The following GPC5 variants were observed in gnomAD, a reference collection of about 807,000 sequenced individuals.
The protein encoded by GPC5 is glypican-5.
Under a neutral mutation model 53.9 loss-of-function variants are expected in GPC5, and 47 were observed. The observed-to-expected ratio is 0.87, with a 90% CI of 0.69 to 1.11. GPC5 has a LOEUF of 1.11. GPC5 is among the 50% of genes most tolerant of loss of function. The pLI, the probability that GPC5 is intolerant of heterozygous loss-of-function variation, is 0.00. For synonymous variants in GPC5, 286 were observed against 263.3 expected, an observed-to-expected ratio of 1.09 and a Z score of -0.84; for missense variants, 748 against 713.1, an observed-to-expected ratio of 1.05 and a Z score of -0.56.
chr13:91,957,907 A>T (rs2040089091), intron 6 of GPC5, among the ~76,000 whole-genome samples: 1 of 152,116 alleles, frequency 6.6e-6, no homozygotes, highest in African/African-American at 2.4e-5. Flanking sequence ...AAACTCAAAA[A>T]TTACCACTAC....
At chr13:92,049,962 A>G (rs191016394) in intron 6 of GPC5, among the ~76,000 whole-genome samples, 2 of 152,282 alleles carry the variant, frequency 1.3e-5, no homozygotes, top group African/African-American at 4.8e-5. Flanking sequence ...CTAAGTGGAA[A>G]GGAGAAAAAG....
At position 91,584,247 on chromosome 13, in the gene GPC5, G is replaced by A. The variant is rs140105923; in HGVS notation, c.326-108940G>A. The stretch of plus-strand genomic sequence containing the variant: ...TTAAGAAATTGTTAAGTTTTTTTTT[G>A]CGAAGTTACAGTAAATAAGATACTA... On this transcript the variant is annotated intron_variant, in intron 2 of 7. Transcript: ENST00000377067. Among the ~76,000 whole-genome samples, 641 of 151,590 alleles carry A rather than the reference G, an allele frequency of 4.2e-3. 17 individuals are homozygous for A. Among genetic ancestry groups the A allele is most frequent in the Non-Finnish European group, 1.2e-3 (81 of 67,832 alleles).
At chr13:92,742,632 TG>T in intron 7 of GPC5, among the ~76,000 whole-genome samples, 1 of 152,172 alleles carries the variant, frequency 6.6e-6, no homozygotes, top group East Asian at 2.0e-4. Flanking sequence ...TTGCTTTTGG[TG>T]TTTTAGACAC....
At chr13:91,865,157 C>A (rs931943082) in intron 5 of GPC5, among the ~76,000 whole-genome samples, 4 of 152,048 alleles carry the variant, frequency 2.6e-5, no homozygotes, top group Non-Finnish European at 5.9e-5. Flanking sequence ...GGTCTGCCTG[C>A]CTTGGCCTTC....
intron 7 of GPC5, among the ~76,000 whole-genome samples, chr13:92,670,190 C>T (rs576425322): frequency 1.6e-4 from 25 of 152,080 alleles, no homozygotes; most frequent in African/African-American, 5.5e-4. Context: ...GGCAGCATAC[C>T]AATGTGTAAA....
intron 7 of GPC5, among the ~76,000 whole-genome samples, chr13:92,176,694 A>T (rs562759795): frequency 1.4e-4 from 22 of 152,130 alleles, no homozygotes; most frequent in Middle Eastern, 3.4e-3. Context: ...ACCATTTTTG[A>T]ACCTCCCTCC....
intron 7 of GPC5, among the ~76,000 whole-genome samples, chr13:92,747,606 C>G (rs912136513): frequency 6.6e-6 from 1 of 152,094 alleles, no homozygotes; most frequent in Non-Finnish European, 1.5e-5. Flanking sequence ...TGACAAATTG[C>G]CTCCACATTA....
intron 7 of GPC5, among the ~76,000 whole-genome samples, chr13:92,452,921 G>A (rs1157927078): frequency 1.3e-5 from 2 of 152,120 alleles, no homozygotes; most frequent in South Asian, 2.1e-4. Flanking sequence ...CTAATTCCCA[G>A]CTACTGCAAT....
intron 6 of GPC5, among the ~76,000 whole-genome samples, chr13:91,966,549 T>C (rs2040182453): frequency 6.6e-6 from 1 of 152,206 alleles, no homozygotes; most frequent in Non-Finnish European, 1.5e-5. Flanking sequence ...TGTTTATGTG[T>C]AGGATATGTT....
chr13:92,581,624 T>A (rs1439531282), intron 7 of GPC5, among the ~76,000 whole-genome samples: 3 of 152,156 alleles, frequency 2.0e-5, no homozygotes, highest in African/African-American at 7.2e-5. Context: ...TATTTTTAAT[T>A]TTTGAGTGAG....
intron 5 of GPC5, among the ~76,000 whole-genome samples, chr13:91,794,036 A>G (rs2038010567): frequency 6.6e-6 from 1 of 152,182 alleles, no homozygotes; most frequent in African/African-American, 2.4e-5. Flanking sequence ...TTGAGTTGGA[A>G]TGTAGTATCT....
intron 6 of GPC5, among the ~76,000 whole-genome samples, chr13:91,925,679 T>G (rs1170374020): frequency 6.6e-6 from 1 of 152,130 alleles, no homozygotes; most frequent in Non-Finnish European, 1.5e-5. Flanking sequence ...TCAGGGGCTC[T>G]CCTAGGTATG....
At chr13:92,409,765 A>G (rs568571808) in intron 7 of GPC5, among the ~76,000 whole-genome samples, 1 of 152,334 alleles carries the variant, frequency 6.6e-6, no homozygotes, top group African/African-American at 2.4e-5. Context: ...TACTATCTAC[A>G]CTATGAAATG....
chr13:91,514,200 T>C (rs1394844968), intron 2 of GPC5, among the ~76,000 whole-genome samples: 2 of 152,180 alleles, frequency 1.3e-5, no homozygotes, highest in South Asian at 2.1e-4. Context: ...TAATAGCATG[T>C]TTAGTTTTAT....
intron 7 of GPC5, among the ~76,000 whole-genome samples, chr13:92,291,059 G>T (rs377242584): frequency 6.6e-6 from 1 of 152,086 alleles, no homozygotes; most frequent in Non-Finnish European, 1.5e-5. Context: ...TCAATTTCTC[G>T]CCGGGCCTTA....
At chr13:92,570,499 A>G (rs1228176446) in intron 7 of GPC5, among the ~76,000 whole-genome samples, 1 of 152,140 alleles carries the variant, frequency 6.6e-6, no homozygotes, top group African/African-American at 2.4e-5. Context: ...CATAAAAATA[A>G]AGGTTATTTA....
intron 6 of GPC5, among the ~76,000 whole-genome samples, chr13:92,032,014 A>G (rs958149259): frequency 7.5e-6 from 1 of 133,824 alleles, no homozygotes; most frequent in African/African-American, 2.8e-5. Flanking sequence ...TATATAATAT[A>G]TAATATATAT....
chr13:91,552,644 G>A (rs1306215535), intron 2 of GPC5, among the ~76,000 whole-genome samples: 2 of 152,148 alleles, frequency 1.3e-5, no homozygotes, highest in Non-Finnish European at 2.9e-5. Flanking sequence ...GCAGAAGCAT[G>A]TCCTTAAGGC....
chr13:91,841,380 A>G (rs2138872257), intron 5 of GPC5, among the ~76,000 whole-genome samples: 1 of 150,484 alleles, frequency 6.6e-6, no homozygotes, highest in Non-Finnish European at 1.5e-5. Context: ...AAAGAAAAAT[A>G]TCTTAGGCCA....
Sources: allele counts gnomAD v4.1 joint callset (sites outside exome capture counted in the v4.1 genomes callset), GRCh38; gene constraint gnomAD v4.1.1; transcripts MANE v1.5; gene names NCBI Gene and HGNC (gene_info 2026-07-23, HGNC 2026-07-21).